Variants in ADAT2 observed in about 807,000 individuals in gnomAD.
ADAT2 encodes the protein adenosine deaminase tRNA specific 2, also known as tRNA-specific adenosine-34 deaminase catalytic subunit ADAT2.
A neutral mutation model predicts 25.9 loss-of-function variants in ADAT2; 26 were observed. That is an observed-to-expected ratio of 1.00 (90% CI 0.74 to 1.39). The LOEUF (loss-of-function observed/expected upper bound fraction) is 1.39. ADAT2 is among the 40% of genes most tolerant of loss of function. The pLI, the probability that ADAT2 is intolerant of heterozygous loss-of-function variation, is 0.00. For synonymous variants in ADAT2, 76 were observed against 86.8 expected, an observed-to-expected ratio of 0.88 and a Z score of 0.69; for missense variants, 220 against 244.8, an observed-to-expected ratio of 0.90 and a Z score of 0.68.
rs892470553 is a variant in ADAT2 at position 143,450,664 on chromosome 6, G to A, written c.-6C>T. 1 of 1,612,842 alleles carries A rather than the reference G, an allele frequency of 6.2e-7. No homozygotes were observed. The highest frequency in any genetic ancestry group is 1.3e-5 in the African/African-American group (1 of 74,932). Reference sequence around the variant, plus strand: ...GGTGCCGCCTTCGCCTCCATACCCAGCCACCACTCAGCTACAGAGCCCGCG... The same window carrying A: ...GGTGCCGCCTTCGCCTCCATACCCAACCACCACTCAGCTACAGAGCCCGCG... On this transcript the variant is annotated 5_prime_UTR_variant, in exon 1 of 6. Transcript: ENST00000237283.
chr6:143,428,491 A>C lies in ADAT2; in HGVS notation c.548T>G (p.Val183Gly), dbSNP rs756656977. ...AGATTTCTGACATTCCTTTTTCCGA[A>C]CTTTCGATTTTGGTGCTGTGAAAAG... ...QENPNAPKSKVRKKECQKS is the reference protein window; with the variant it reads ...QENPNAPKSKGRKKECQKS The change falls in exon 6 of 6, where the codon GTT becomes GGT. Residue 183 changes from valine (V) to glycine (G), a missense_variant. Transcript: ENST00000237283. The surrounding 1 kb of genome is among the most constrained non-coding windows in gnomAD (Gnocchi z 5.0). The C allele has an allele frequency of 1.2e-6, 2 of 1,613,962 alleles. No individual in the cohort carries two copies. Among genetic ancestry groups the C allele is most frequent in the Admixed American group, 3.3e-5 (2 of 60,008 alleles).
rs1779554818 is a variant in ADAT2 at position 143,444,782 on chromosome 6, T to C, written c.96+5781A>G. Reference sequence around the variant, plus strand: ...GTCCTTGAATATAATTTCTTTTTTTTCTCTAGTCAGGGCCTGCCCAGATAC... The same window carrying C: ...GTCCTTGAATATAATTTCTTTTTTTCCTCTAGTCAGGGCCTGCCCAGATAC... On this transcript the variant is annotated intron_variant, in intron 1 of 5. Coordinates refer to ENST00000237283, the MANE Select transcript of ADAT2 (RefSeq NM_182503.3). The surrounding 1 kb of genome is among the most constrained non-coding windows in gnomAD (Gnocchi z 4.3). The C allele has an allele frequency of 3.1e-6, 1 of 325,996 alleles. No homozygotes were observed. The highest frequency in any genetic ancestry group is 5.0e-6 in the Non-Finnish European group (1 of 198,690). 20.2% of individuals were successfully genotyped at this position (325,996 alleles called of 1,614,324 possible). A position where few individuals can be genotyped will look rare whatever the true frequency, so the allele number is the denominator to read the frequency against.
chr6:143,441,009 G>A (rs1779442357), intron 1 of ADAT2, among the ~76,000 whole-genome samples: 1 of 152,156 alleles, frequency 6.6e-6, no homozygotes, highest in East Asian at 1.9e-4. Flanking sequence ...CTGCACTGCT[G>A]GCTTTGAAGA....
chr6:143,430,963 C>G (rs1269759495), intron 4 of ADAT2, among the ~76,000 whole-genome samples: 1 of 152,162 alleles, frequency 6.6e-6, no homozygotes, highest in Non-Finnish European at 1.5e-5. Context: ...TTTAATGCTG[C>G]TTATAATACA....
chr6:143,446,768 G>T lies in ADAT2; in HGVS notation c.96+3795C>A, dbSNP rs1233702639. Among the ~76,000 whole-genome samples the T allele has an allele frequency of 6.6e-6, 1 of 151,234 alleles. No individual in the cohort carries two copies. Reference sequence around the variant, plus strand: ...CCATCCTTCCCAGCTCTCTAACTTTGGGGAAGTTACTGAACTTTCTCAGCT... The same window carrying T: ...CCATCCTTCCCAGCTCTCTAACTTTTGGGAAGTTACTGAACTTTCTCAGCT... On this transcript the variant is annotated intron_variant, in intron 1 of 5. Transcript: ENST00000237283. The surrounding 1 kb of genome is among the most constrained non-coding windows in gnomAD (Gnocchi z 5.0).
At position 143,425,527 on chromosome 6, in the gene ADAT2, T is replaced by G. The variant is rs1385217428; in HGVS notation, c.*2936A>C. 2 of 147,856 alleles carry G rather than the reference T, an allele frequency of 1.4e-5. No homozygotes were observed. The highest frequency in any genetic ancestry group is 2.1e-4 in the South Asian group (1 of 4,688). 9.2% of individuals were successfully genotyped at this position (147,856 alleles called of 1,614,324 possible). A position where few individuals can be genotyped will look rare whatever the true frequency, so the allele number is the denominator to read the frequency against. On this transcript the variant is annotated 3_prime_UTR_variant, in exon 6 of 6. Transcript: ENST00000237283. ...AAAAAAAAAAAAAAAAAGAAAAAGC[T>G]GGATTCAAGACAAGTAAATGTAATG...
At position 143,424,433 on chromosome 6, in the gene ADAT2, A is replaced by C. The variant is rs1778871662; in HGVS notation, c.*4030T>G. On this transcript the variant is annotated 3_prime_UTR_variant, in exon 6 of 6. Transcript: ENST00000237283. The surrounding 1 kb of genome is among the most constrained non-coding windows in gnomAD (Gnocchi z 4.8). ...TTTGGCTTTTGCTATTTTTACTGAC[A>C]TTTTGAAAGTAGCAGTGCTTACAAC... 1 of 152,206 alleles carries C rather than the reference A, an allele frequency of 6.6e-6. No individual in the cohort carries two copies. Among genetic ancestry groups the C allele is most frequent in the South Asian group, 2.1e-4 (1 of 4,834 alleles). The allele number at this position is 152,206 out of a possible 1,614,324, so 9.4% of individuals were successfully genotyped here.
chr6:143,428,784 T>G lies in ADAT2; in HGVS notation c.460-100A>C. On this transcript the variant is annotated intron_variant, in intron 4 of 5. Coordinates refer to ENST00000237283, the MANE Select transcript of ADAT2 (RefSeq NM_182503.3). The surrounding 1 kb of genome is among the most constrained non-coding windows in gnomAD (Gnocchi z 5.0). ...ATATACATGATTATGTAAACAGATT[T>G]CAGATGTTAATAAACTTTGGGGATA... 8.8e-7 allele frequency: 1 copy of G among 1,140,524 alleles called. No homozygotes were observed. Among genetic ancestry groups the G allele is most frequent in the Non-Finnish European group, 1.3e-6 (1 of 798,780 alleles). The allele number at this position is 1,140,524 out of a possible 1,614,324, so 70.7% of individuals were successfully genotyped here. A position where few individuals can be genotyped will look rare whatever the true frequency, so the allele number is the denominator to read the frequency against.
chr6:143,431,715 C>T (rs1238410922), intron 4 of ADAT2, among the ~76,000 whole-genome samples: 1 of 152,184 alleles, frequency 6.6e-6, no homozygotes, highest in Non-Finnish European at 1.5e-5. Context: ...CTAGGAACCC[C>T]TGAGGTTTTT....
At chr6:143,443,294 C>T (rs1295900652) in intron 1 of ADAT2, among the ~76,000 whole-genome samples, 3 of 152,156 alleles carry the variant, frequency 2.0e-5, no homozygotes, top group African/African-American at 4.8e-5. Context: ...GGGCTCTCTG[C>T]CACTGTTCTG....
chr6:143,436,653 T>C lies in ADAT2; in HGVS notation c.201+1937A>G. 2.8e-6 allele frequency: 1 copy of C among 354,532 alleles called. No individual in the cohort carries two copies. The highest frequency in any genetic ancestry group is 2.8e-5 in the South Asian group (1 of 36,340). The allele number at this position is 354,532 out of a possible 1,614,324, so 22.0% of individuals were successfully genotyped here. ...TATCAGAGTACCAACAGTATCAGGA[T>C]GCCACTGTTGAGGAGGAGGGAGAGT... On this transcript the variant is annotated intron_variant, in intron 2 of 5. Coordinates refer to ENST00000237283, the MANE Select transcript of ADAT2 (RefSeq NM_182503.3). The surrounding 1 kb of genome is among the most constrained non-coding windows in gnomAD (Gnocchi z 4.1).
At chr6:143,438,291 C>T (rs1010250055) in intron 2 of ADAT2, among the ~76,000 whole-genome samples, 2 of 152,056 alleles carry the variant, frequency 1.3e-5, no homozygotes, top group African/African-American at 4.8e-5. Flanking sequence ...GAAATAAAAT[C>T]CCCTCTTGGG....
At chr6:143,430,767 A>G (rs9484748) in intron 4 of ADAT2, among the ~76,000 whole-genome samples, 45,040 of 151,854 alleles carry the variant, frequency 0.3, 7,016 homozygotes, top group African/African-American at 0.35. Context: ...GGGTTTCACC[A>G]TGTTAGCCAG....
chr6:143,443,828 CTTAAAAAAAAAAAAAG>C (rs1337886191), intron 1 of ADAT2, among the ~76,000 whole-genome samples: 1 of 140,202 alleles, frequency 7.1e-6, no homozygotes, highest in African/African-American at 2.7e-5. Flanking sequence ...GAAACTCTGT[CTTAAAAAAAAAAAAAG>C]TTAAAAAAAA....
intron 3 of ADAT2, among the ~76,000 whole-genome samples, chr6:143,433,012 C>G (rs959659197): frequency 1.3e-5 from 2 of 152,108 alleles, no homozygotes; most frequent in African/African-American, 4.8e-5. Flanking sequence ...TAAAATATAA[C>G]CTGTGCCCTA....
At chr6:143,445,109 C>T in intron 1 of ADAT2, 1 of 271,472 alleles carries the variant, frequency 3.7e-6, no homozygotes, top group South Asian at 5.9e-5. Context: ...GAGTAATTAG[C>T]AGAAACAGTT....
chr6:143,449,053 T>C (rs1382427215), intron 1 of ADAT2, among the ~76,000 whole-genome samples: 3 of 89,294 alleles, frequency 3.4e-5, no homozygotes, highest in Non-Finnish European at 9.0e-5. Context: ...ACTTTGTATC[T>C]TTTTCTTTTT....
chr6:143,431,327 C>T (rs1179558406), intron 4 of ADAT2, among the ~76,000 whole-genome samples: 1 of 152,190 alleles, frequency 6.6e-6, no homozygotes, highest in Non-Finnish European at 1.5e-5. Flanking sequence ...ATATTCCACC[C>T]ATGTATGACA....
At position 143,433,831 on chromosome 6, in the gene ADAT2, T is replaced by C. The variant is rs1374804528; in HGVS notation, c.352A>G (p.Lys118Glu). The change falls in exon 3 of 6, where the codon AAA becomes GAA. Residue 118 changes from lysine (K) to glutamate (E), a missense_variant and splice_region_variant. Lys to Glu is a moderately conservative substitution (Grantham distance 56). Transcript: ENST00000237283. ...IMCAAALRLM[K>E]IPLVVYGCQN... ...ATTAACTCATGAAGTCAAAGGATACTCATCAGGCGGAGAGCAGCTGCACAC... is the reference window on the plus strand; with the variant it reads ...ATTAACTCATGAAGTCAAAGGATACCCATCAGGCGGAGAGCAGCTGCACAC... The C allele has an allele frequency of 6.2e-7, 1 of 1,613,604 alleles. No homozygotes were observed.
Sources: allele counts gnomAD v4.1 joint callset (sites outside exome capture counted in the v4.1 genomes callset), GRCh38; gene constraint gnomAD v4.1.1; non-coding constraint Gnocchi (gnomAD v3.1); transcripts MANE v1.5; gene names NCBI Gene and HGNC (gene_info 2026-07-23, HGNC 2026-07-21).